Variants in SPON1 observed in about 807,000 individuals in gnomAD.
The protein encoded by SPON1 is spondin 1, also known as spondin-1.
In SPON1, 52 loss-of-function variants were observed where a neutral mutation model predicts 111.7. That is an observed-to-expected ratio of 0.47 (90% CI 0.37 to 0.59). The LOEUF is 0.59. Ranked by LOEUF, SPON1 falls within the 20% of genes least tolerant of loss-of-function variation. The pLI is 0.00. For missense variants in SPON1, 957 were observed against 1,068.5 expected (o/e 0.90, Z 1.46); for synonymous variants, 410 against 395.8 (o/e 1.04, Z -0.43).
intron 6 of SPON1, among the ~76,000 whole-genome samples, chr11:14,144,656 A>AATAATAATAATC (rs1847697505): frequency 2.0e-5 from 3 of 148,548 alleles, no homozygotes; most frequent in Non-Finnish European, 4.5e-5. Context: ...TAATAATAAT[A>AATAATAATAATC]ATAATAATAA....
At chr11:14,208,162 A>G (rs1848534968) in intron 6 of SPON1, among the ~76,000 whole-genome samples, 1 of 152,188 alleles carries the variant, frequency 6.6e-6, no homozygotes, top group African/African-American at 2.4e-5. Flanking sequence ...ATGAGAACAC[A>G]TGGACACATA....
At position 14,267,419 on chromosome 11, in the gene SPON1, A is replaced by G. The variant is rs1849284529; in HGVS notation, c.*1732A>G. 6.7e-6 allele frequency: 1 copy of G among 150,114 alleles called. No individual in the cohort carries two copies. The highest frequency in any genetic ancestry group is 1.5e-5 in the Non-Finnish European group (1 of 67,298). 9.3% of individuals were successfully genotyped at this position (150,114 alleles called of 1,614,324 possible). On this transcript the variant is annotated 3_prime_UTR_variant, in exon 16 of 16. Transcript: ENST00000576479. The stretch of plus-strand genomic sequence containing the variant: ...AAAAAAGCACAATATAAAGAAACAC[A>G]AGATTTAATTATTTTTCTACTTGGG...
At chr11:14,124,688 C>T (rs573322071) in intron 5 of SPON1, among the ~76,000 whole-genome samples, 14 of 152,268 alleles carry the variant, frequency 9.2e-5, no homozygotes, top group African/African-American at 3.1e-4. Context: ...GCCGTTGTAG[C>T]ATGAAAGTGG....
chr11:14,099,852 C>A (rs1554924218), intron 5 of SPON1, among the ~76,000 whole-genome samples: 1 of 152,094 alleles, frequency 6.6e-6, no homozygotes, highest in East Asian at 1.9e-4. Context: ...GCGGAAGCAA[C>A]TGATGTCATA....
intron 3 of SPON1, among the ~76,000 whole-genome samples, chr11:14,062,192 C>T (rs1176215625): frequency 3.9e-5 from 6 of 152,090 alleles, no homozygotes; most frequent in Non-Finnish European, 5.9e-5. Flanking sequence ...TCAAGCAGGC[C>T]GGTTCACATC....
intron 6 of SPON1, among the ~76,000 whole-genome samples, chr11:14,154,215 G>T (rs979521282): frequency 6.6e-6 from 1 of 152,216 alleles, no homozygotes; most frequent in Non-Finnish European, 1.5e-5. Context: ...AGGATACTGT[G>T]TGGGGGCTCC....
intron 6 of SPON1, among the ~76,000 whole-genome samples, chr11:14,224,162 G>C (rs1260374431): frequency 1.3e-5 from 2 of 152,200 alleles, no homozygotes; most frequent in African/African-American, 4.8e-5. Flanking sequence ...AAGAGGGATA[G>C]AGAGAGGAGA....
intron 2 of SPON1, among the ~76,000 whole-genome samples, chr11:14,040,876 G>T (rs1848626294): frequency 6.6e-6 from 1 of 151,980 alleles, no homozygotes; most frequent in Non-Finnish European, 1.5e-5. Flanking sequence ...AGAGGGATAG[G>T]GAAATACCAC....
intron 6 of SPON1, among the ~76,000 whole-genome samples, chr11:14,156,981 A>G (rs1165378747): frequency 6.6e-6 from 1 of 152,232 alleles, no homozygotes; most frequent in Non-Finnish European, 1.5e-5. Flanking sequence ...TTACAATTCA[A>G]CATGAGATTT....
At chr11:14,085,919 G>A (rs534377053) in intron 5 of SPON1, among the ~76,000 whole-genome samples, 1 of 152,010 alleles carries the variant, frequency 6.6e-6, no homozygotes, top group Non-Finnish European at 1.5e-5. Context: ...AATTGTGAAC[G>A]GGAGTTCACT....
intron 5 of SPON1, among the ~76,000 whole-genome samples, chr11:14,084,741 T>C (rs1554922415): frequency 6.6e-6 from 1 of 152,226 alleles, no homozygotes; most frequent in Admixed American, 6.5e-5. Flanking sequence ...TCCACAATGG[T>C]TGAACTAATT....
At chr11:14,129,814 G>T (rs1847506010) in intron 5 of SPON1, among the ~76,000 whole-genome samples, 1 of 152,150 alleles carries the variant, frequency 6.6e-6, no homozygotes, top group South Asian at 2.1e-4. Context: ...GGAGGCCTCA[G>T]GAAACTTACA....
intron 5 of SPON1, among the ~76,000 whole-genome samples, chr11:14,109,352 A>AT (rs1267840021): frequency 2.0e-5 from 3 of 152,158 alleles, no homozygotes; most frequent in Admixed American, 6.5e-5. Flanking sequence ...ATTCCATATA[A>AT]TTTAAAGCTT....
Position 14,257,741 on chromosome 11 carries a change from C to T in SPON1, c.1335C>T (p.Tyr445=), listed in dbSNP as rs574606690. 24 of 1,612,826 alleles carry T rather than the reference C, an allele frequency of 1.5e-5. No homozygotes were observed. In the South Asian group the frequency reaches 2.2e-4, roughly 15 times the overall value. Residue 445 remains tyrosine, a synonymous_variant, in exon 11 of 16, where the codon TAC becomes TAT. Coordinates refer to ENST00000576479, the MANE Select transcript of SPON1 (RefSeq NM_006108.4). ...ATGACACCCCTGAAACCTGCATCTA[C>T]TCCAACTGGTCCCCATGGTCCGCCT... is the stretch of plus-strand genomic sequence containing the variant. ...DEDDTPETCI[Y]SNWSPWSACS...
chr11:14,138,195 A>G (rs1283157637), intron 6 of SPON1, among the ~76,000 whole-genome samples: 1 of 152,198 alleles, frequency 6.6e-6, no homozygotes, highest in Non-Finnish European at 1.5e-5. Context: ...AAAGACATTT[A>G]TATGCTTACC....
intron 6 of SPON1, among the ~76,000 whole-genome samples, chr11:14,168,478 A>G (rs975392448): frequency 2.6e-5 from 4 of 152,140 alleles, no homozygotes; most frequent in Admixed American, 1.3e-4. Flanking sequence ...AGAAGATTCA[A>G]TGCTTGTAAA....
intron 1 of SPON1, among the ~76,000 whole-genome samples, chr11:13,973,028 C>T (rs1848075656): frequency 6.6e-6 from 1 of 152,160 alleles, no homozygotes. Context: ...TCCTTCCATC[C>T]TCAATCTCTT....
intron 3 of SPON1, among the ~76,000 whole-genome samples, chr11:14,067,177 A>AC (rs1471103031): frequency 2.4e-5 from 2 of 84,246 alleles, no homozygotes; most frequent in Non-Finnish European, 7.1e-5. Flanking sequence ...ACTCTGCCTC[A>AC]AAAAAAACAA....
At chr11:14,025,290 CTCT>C (rs1848509314) in intron 2 of SPON1, among the ~76,000 whole-genome samples, 1 of 152,198 alleles carries the variant, frequency 6.6e-6, no homozygotes, top group Non-Finnish European at 1.5e-5. Flanking sequence ...ATTTCCTCTT[CTCT>C]AAAAAGGGAG....
Sources: allele counts gnomAD v4.1 joint callset (sites outside exome capture counted in the v4.1 genomes callset), GRCh38; gene constraint gnomAD v4.1.1; transcripts MANE v1.5; gene names NCBI Gene and HGNC (gene_info 2026-07-23, HGNC 2026-07-21).